Variants in ARHGEF28 observed in about 807,000 individuals in gnomAD.
ARHGEF28 encodes the protein Rho guanine nucleotide exchange factor 28.
Under a neutral mutation model 206.6 loss-of-function variants are expected in ARHGEF28, and 152 were observed. The observed-to-expected ratio is 0.74, with a 90% CI of 0.64 to 0.84. ARHGEF28 has a LOEUF of 0.84. Among genes scored for constraint, ARHGEF28 ranks in the 40% least tolerant of loss-of-function variants. The pLI, the probability that ARHGEF28 is intolerant of heterozygous loss-of-function variation, is 0.00. For synonymous variants in ARHGEF28, 763 were observed against 776.4 expected (o/e 0.98, Z 0.29); for missense variants, 2,028 against 2,073.2 (o/e 0.98, Z 0.42).
chr5:73,699,390 C>T (rs988833717), intron 2 of ARHGEF28, among the ~76,000 whole-genome samples: 8 of 150,022 alleles, frequency 5.3e-5, no homozygotes, highest in Admixed American at 1.3e-4. Context: ...AGAAAGAGAA[C>T]GAAAGAGAGC....
intron 22 of ARHGEF28, among the ~76,000 whole-genome samples, chr5:73,877,285 TA>T (rs1760570368): frequency 6.6e-6 from 1 of 151,074 alleles, no homozygotes; most frequent in East Asian, 1.9e-4. Context: ...TATCATTTTT[TA>T]TTGCGTCTAT....
intron 2 of ARHGEF28, among the ~76,000 whole-genome samples, chr5:73,704,728 A>T (rs886463130): frequency 6.6e-6 from 1 of 152,174 alleles, no homozygotes; most frequent in African/African-American, 2.4e-5. Context: ...CCCGCCCATT[A>T]CTATTATTTT....
intron 7 of ARHGEF28, among the ~76,000 whole-genome samples, chr5:73,786,102 A>C (rs572301852): frequency 1.3e-5 from 2 of 151,500 alleles, no homozygotes; most frequent in East Asian, 3.9e-4. Flanking sequence ...CCTTGCCCTC[A>C]AGTAGTTTGC....
chr5:73,753,832 A>G (rs1411038856), intron 4 of ARHGEF28, among the ~76,000 whole-genome samples: 4 of 152,208 alleles, frequency 2.6e-5, no homozygotes, highest in African/African-American at 9.6e-5. Flanking sequence ...TTTAAAAATG[A>G]AAAAATAAAA....
At chr5:73,644,143 G>A (rs534550237) in intron 1 of ARHGEF28, among the ~76,000 whole-genome samples, 1 of 86,538 alleles carries the variant, frequency 1.2e-5, no homozygotes, top group Admixed American at 1.2e-4. Context: ...GTTAGTGAGA[G>A]TCTGTCTTAT....
At chr5:73,628,933 T>C (rs1452914026) in intron 1 of ARHGEF28, among the ~76,000 whole-genome samples, 8 of 152,234 alleles carry the variant, frequency 5.3e-5, no homozygotes, top group Non-Finnish European at 1.0e-4. Flanking sequence ...TATCATGGTA[T>C]TGGAAGTTCT....
chr5:73,645,477 AGT>A (rs1561305466), intron 1 of ARHGEF28, among the ~76,000 whole-genome samples: 1 of 152,230 alleles, frequency 6.6e-6, no homozygotes, highest in African/African-American at 2.4e-5. Context: ...ATACTCTGAT[AGT>A]TTAGAGTAAT....
intron 31 of ARHGEF28, chr5:73,901,743 C>T (rs1001600113): frequency 2.0e-5 from 3 of 152,844 alleles, no homozygotes; most frequent in Admixed American, 6.5e-5. Flanking sequence ...TTCCTGTCAC[C>T]ACCCACATTT....
chr5:73,746,734 C>A (rs1027022802), intron 2 of ARHGEF28, among the ~76,000 whole-genome samples: 5 of 152,022 alleles, frequency 3.3e-5, no homozygotes, highest in Non-Finnish European at 7.4e-5. Context: ...TCTTTCCCTG[C>A]TGATTTGAAA....
intron 6 of ARHGEF28, among the ~76,000 whole-genome samples, chr5:73,777,460 T>C (rs562327092): frequency 5.3e-5 from 8 of 152,274 alleles, no homozygotes; most frequent in African/African-American, 7.2e-5. Context: ...CTCGTGACTA[T>C]TTAGGCTTTA....
intron 34 of ARHGEF28, among the ~76,000 whole-genome samples, 173 bp downstream of exon 34, chr5:73,910,070 C>A (rs1406744341): frequency 6.6e-6 from 1 of 152,124 alleles, no homozygotes; most frequent in Non-Finnish European, 1.5e-5. Flanking sequence ...TAACGCATAT[C>A]CATTTTGACT....
In ARHGEF28 at chr5:73,756,077, T is replaced by A. The variant is rs148793016; in HGVS notation, c.475+2875T>A. ...CTTATTACCTCCTGGCTGTGAGACTTGGGCAAGGTATTTTAGTTCTGGTGC... is the reference window on the plus strand; with the variant it reads ...CTTATTACCTCCTGGCTGTGAGACTAGGGCAAGGTATTTTAGTTCTGGTGC... On this transcript the variant is annotated intron_variant, in intron 4 of 35. Coordinates refer to ENST00000513042, the MANE Select transcript of ARHGEF28 (RefSeq NM_001177693.2). Among the ~76,000 whole-genome samples the A allele has an allele frequency of 3.7e-3, 560 of 152,284 alleles. 7 individuals carry two copies. The highest frequency in any genetic ancestry group is 0.013 in the African/African-American group (525 of 41,546).
At chr5:73,856,090 C>T (rs545302336) in intron 14 of ARHGEF28, among the ~76,000 whole-genome samples, 7 of 144,616 alleles carry the variant, frequency 4.8e-5, no homozygotes, top group Non-Finnish European at 9.4e-5. Context: ...TTTTCAAACT[C>T]TCAAATGTAT....
intron 20 of ARHGEF28, 33 bp from the exon 21 acceptor site, chr5:73,870,036 A>T: frequency 6.2e-7 from 1 of 1,602,964 alleles, no homozygotes. Flanking sequence ...GCATTATTGT[A>T]CTTCTGGCTT....
chr5:73,839,413 T>G (rs1190272989), intron 10 of ARHGEF28, among the ~76,000 whole-genome samples: 1 of 152,200 alleles, frequency 6.6e-6, no homozygotes, highest in Non-Finnish European at 1.5e-5. Flanking sequence ...CTTTTGCTTC[T>G]TTTTCCCCTT....
intron 4 of ARHGEF28, 94 bp downstream of exon 4, chr5:73,753,296 C>T: frequency 7.5e-7 from 1 of 1,333,654 alleles, no homozygotes; most frequent in African/African-American, 1.5e-5. Flanking sequence ...GGCAGGTTTT[C>T]CTGCCCACTT....
intron 6 of ARHGEF28, among the ~76,000 whole-genome samples, chr5:73,777,241 TTA>T (rs1222297249): frequency 2.7e-5 from 4 of 150,914 alleles, no homozygotes; most frequent in African/African-American, 9.8e-5. Flanking sequence ...CATTTCAACT[TTA>T]TCTCTCTTTT....
At chr5:73,735,226 TATTAATTAAATTAAA>T (rs983178059) in intron 2 of ARHGEF28, among the ~76,000 whole-genome samples, 6 of 151,292 alleles carry the variant, frequency 4.0e-5, no homozygotes, top group African/African-American at 7.2e-5. Context: ...TATTAATTTT[TATTAATTAAATTAAA>T]ATTAATTAAA....
Position 73,683,207 on chromosome 5 carries a change from A to G in ARHGEF28, c.-11-1634A>G, listed in dbSNP as rs1361110489. Among the ~76,000 whole-genome samples, 8 of 152,286 alleles carry G rather than the reference A, an allele frequency of 5.3e-5. No individual in the cohort carries two copies. The South Asian group carries it at 1.5e-3, about 28-fold the overall frequency. On this transcript the variant is annotated intron_variant, in intron 1 of 35. Transcript: ENST00000513042. The stretch of plus-strand genomic sequence containing the variant: ...TTTTAACTGTGGCAAAATAGACAAC[A>G]TAAAATTTACCATCTTAACCATTTT...
Sources: allele counts gnomAD v4.1 joint callset (sites outside exome capture counted in the v4.1 genomes callset), GRCh38; gene constraint gnomAD v4.1.1; transcripts MANE v1.5; gene names NCBI Gene and HGNC (gene_info 2026-07-23, HGNC 2026-07-21).